The following MBD5 variants were observed in gnomAD, a reference collection of about 807,000 sequenced individuals.
The protein encoded by MBD5 is methyl-CpG-binding domain protein 5.
In MBD5, 13 loss-of-function variants were observed where a neutral mutation model predicts 117.3. That is an observed-to-expected ratio of 0.11 (90% CI 0.07 to 0.18). The LOEUF is 0.18. Among genes scored for constraint, MBD5 ranks in the 10% least tolerant of loss-of-function variants. The pLI, the probability that MBD5 is intolerant of heterozygous loss-of-function variation, is 1.00. For synonymous variants in MBD5, 727 were observed against 766.4 expected (o/e 0.95, Z 0.85); for missense variants, 1,879 against 2,093.8 (o/e 0.90, Z 2.00).
At chr2:148,333,608 G>A (rs565924319) in intron 3 of MBD5, among the ~76,000 whole-genome samples, 33 of 151,738 alleles carry the variant, frequency 2.2e-4, no homozygotes, top group Admixed American at 8.5e-4. Flanking sequence ...TTGGGAGGCC[G>A]AGGCAGGTGG....
rs181659708 is a variant in MBD5, at chr2:148,115,328, T to C, written c.-924-63372T>C. On this transcript the variant is annotated intron_variant, in intron 1 of 13. Transcript: ENST00000642680. Reference sequence around the variant, plus strand: ...TGAGCAGTGATAAGACTCTGAGCTCTGCTAAGAGAGCTTGCATCCCAGCCT... The same window carrying C: ...TGAGCAGTGATAAGACTCTGAGCTCCGCTAAGAGAGCTTGCATCCCAGCCT... Among the ~76,000 whole-genome samples the C allele has an allele frequency of 2.7e-3, 410 of 152,300 alleles. 1 individual carries two copies. Among genetic ancestry groups the C allele is most frequent in the Admixed American group, 5.2e-3 (79 of 15,298 alleles).
At position 148,141,765 on chromosome 2, in the gene MBD5, C is replaced by T. The variant is rs1449877502; in HGVS notation, c.-924-36935C>T. Among the ~76,000 whole-genome samples, 3 of 150,524 alleles carry T rather than the reference C, an allele frequency of 2.0e-5. No homozygotes were observed. The East Asian group carries it at 5.9e-4, about 29-fold the overall frequency. ...CTGTAAACATGCACTGAAGTCCAGC[C>T]TAGGTGACAGAGCAAGACCCCGTCT... On this transcript the variant is annotated intron_variant, in intron 1 of 13. Transcript: ENST00000642680.
chr2:148,087,676 A>G (rs1695830832), intron 1 of MBD5, among the ~76,000 whole-genome samples: 1 of 152,190 alleles, frequency 6.6e-6, no homozygotes, highest in African/African-American at 2.4e-5. Flanking sequence ...GGAGTGCACC[A>G]TATCAAGGGA....
chr2:148,148,231 T>C (rs959585269), intron 1 of MBD5, among the ~76,000 whole-genome samples: 1 of 152,212 alleles, frequency 6.6e-6, no homozygotes, highest in Admixed American at 6.5e-5. Flanking sequence ...GTGACTATTC[T>C]ATGAGAATGG....
At chr2:148,406,995 G>C (rs1423475721) in intron 4 of MBD5, among the ~76,000 whole-genome samples, 1 of 152,060 alleles carries the variant, frequency 6.6e-6, no homozygotes, top group African/African-American at 2.4e-5. Flanking sequence ...ATTGGTTTTT[G>C]ATCTGTATGC....
chr2:148,204,089 A>G (rs1000688225), intron 2 of MBD5, among the ~76,000 whole-genome samples: 1 of 152,062 alleles, frequency 6.6e-6, no homozygotes, highest in African/African-American at 2.4e-5. Flanking sequence ...AAGAGAAGAG[A>G]AAAAATGAAT....
chr2:148,180,343 C>CATATATATATGTAT (rs1553481824), intron 2 of MBD5, among the ~76,000 whole-genome samples: 2 of 105,544 alleles, frequency 1.9e-5, no homozygotes, highest in African/African-American at 3.6e-5. Flanking sequence ...AAAAATTATA[C>CATATATATATGTAT]ATATATATAT....
At chr2:148,246,763 CAAAAAAAAA>C (rs71406014) in intron 3 of MBD5, among the ~76,000 whole-genome samples, 4 of 70,138 alleles carry the variant, frequency 5.7e-5, no homozygotes, top group Non-Finnish European at 1.0e-4. Flanking sequence ...GACTCCATCT[CAAAAAAAAA>C]AAAAAAAAAA....
chr2:148,409,047 A>G (rs183633496), intron 4 of MBD5, among the ~76,000 whole-genome samples: 1 of 152,216 alleles, frequency 6.6e-6, no homozygotes, highest in East Asian at 1.9e-4. Flanking sequence ...TCCCCTATAG[A>G]TACTAAGGGA....
At position 148,102,729 on chromosome 2, in the gene MBD5, CAG is replaced by C. The variant is rs70992193; in HGVS notation, c.-924-75940_-924-75939del. ...ACACACACACACACACACACACACA[CAG>C]AGAGAGAGAGAGAGAGAGAGAGAGA... On this transcript the variant is annotated intron_variant, in intron 1 of 13. Coordinates refer to ENST00000642680, the MANE Select transcript of MBD5 (RefSeq NM_001378120.1). Among the ~76,000 whole-genome samples, 993 of 102,550 alleles carry C rather than the reference CAG, an allele frequency of 9.7e-3. 6 individuals are homozygous for C. The highest frequency in any genetic ancestry group is 0.033 in the African/African-American group (808 of 24,844). The allele number at this position is 102,550 out of a possible 152,430, so 67.3% of individuals were successfully genotyped here.
At chr2:148,397,800 CTCT>C in intron 4 of MBD5, among the ~76,000 whole-genome samples, 1 of 143,130 alleles carries the variant, frequency 7.0e-6, no homozygotes, top group African/African-American at 2.5e-5. Context: ...TATCCCTCCC[CTCT>C]CCCCCTACCC....
At chr2:148,325,814 G>GT (rs902937328) in intron 3 of MBD5, among the ~76,000 whole-genome samples, 1 of 152,016 alleles carries the variant, frequency 6.6e-6, no homozygotes, top group Non-Finnish European at 1.5e-5. Context: ...TTTTTGAACG[G>GT]TTTTTTGTGT....
At chr2:148,353,855 A>G (rs1239796280) in intron 4 of MBD5, among the ~76,000 whole-genome samples, 1 of 152,186 alleles carries the variant, frequency 6.6e-6, no homozygotes, top group Admixed American at 6.6e-5. Context: ...TTCTGGGATT[A>G]CAGCTGTTAG....
chr2:148,441,171 T>C (rs1417080266), intron 4 of MBD5, among the ~76,000 whole-genome samples: 1 of 152,128 alleles, frequency 6.6e-6, no homozygotes, highest in Non-Finnish European at 1.5e-5. Flanking sequence ...TTGTTACATA[T>C]GTATACATGT....
intron 3 of MBD5, among the ~76,000 whole-genome samples, chr2:148,301,398 A>G (rs1332065626): frequency 6.6e-6 from 1 of 152,202 alleles, no homozygotes; most frequent in Non-Finnish European, 1.5e-5. Flanking sequence ...ATGGGTTTTC[A>G]ACAACCTTAA....
intron 1 of MBD5, among the ~76,000 whole-genome samples, chr2:148,131,649 A>G (rs555127164): frequency 6.6e-6 from 1 of 152,326 alleles, no homozygotes; most frequent in African/African-American, 2.4e-5. Flanking sequence ...AGCTATGATT[A>G]TGCTACTGTG....
At chr2:148,410,543 C>T (rs1705218966) in intron 4 of MBD5, among the ~76,000 whole-genome samples, 1 of 152,180 alleles carries the variant, frequency 6.6e-6, no homozygotes, top group African/African-American at 2.4e-5. Context: ...AATCCTCCTG[C>T]CTCAGTCCCA....
At chr2:148,440,119 A>G (rs995226874) in intron 4 of MBD5, among the ~76,000 whole-genome samples, 1 of 152,204 alleles carries the variant, frequency 6.6e-6, no homozygotes, top group African/African-American at 2.4e-5. Flanking sequence ...TTTCTGTTTT[A>G]TTTAATGGCA....
intron 4 of MBD5, among the ~76,000 whole-genome samples, chr2:148,449,940 T>C (rs1376606030): frequency 6.6e-6 from 1 of 152,056 alleles, no homozygotes; most frequent in East Asian, 1.9e-4. Context: ...TGAGAAAGTA[T>C]GTTTTTATAC....
Sources: allele counts gnomAD v4.1 joint callset (sites outside exome capture counted in the v4.1 genomes callset), GRCh38; gene constraint gnomAD v4.1.1; transcripts MANE v1.5; gene names NCBI Gene and HGNC (gene_info 2026-07-23, HGNC 2026-07-21).